Variants in TECR observed in about 807,000 individuals in gnomAD.
The protein encoded by TECR is very-long-chain enoyl-CoA reductase.
A neutral mutation model predicts 50.6 loss-of-function variants in TECR; 19 were observed. The observed-to-expected ratio is 0.38, with a 90% confidence interval of 0.26 to 0.55. TECR has a LOEUF of 0.55. Ranked by LOEUF, TECR falls within the 20% of genes least tolerant of loss-of-function variation. The pLI, the probability that TECR is intolerant of heterozygous loss-of-function variation, is 0.79. For synonymous variants in TECR, 168 were observed against 163.5 expected (o/e 1.03, Z -0.21); for missense variants, 313 against 408.3 (o/e 0.77, Z 2.01).
chr19:14,560,298 T>C (rs1799055647), intron 1 of TECR, among the ~76,000 whole-genome samples: 1 of 152,142 alleles, frequency 6.6e-6, no homozygotes. Flanking sequence ...TTTAAGCTGT[T>C]GAGTGGTTCA....
At chr19:14,538,667 G>A (rs1472238564) in intron 1 of TECR, among the ~76,000 whole-genome samples, 3 of 151,624 alleles carry the variant, frequency 2.0e-5, no homozygotes, top group African/African-American at 7.3e-5. Flanking sequence ...CGAGTAGCTG[G>A]GATTACAGGC....
At chr19:14,562,659 G>GCTT in intron 2 of TECR, 84 bp downstream of exon 2, 2 of 1,503,266 alleles carry the variant, frequency 1.3e-6, no homozygotes, top group Non-Finnish European at 1.9e-6. Context: ...TGTCCAGTGG[G>GCTT]GCCCTTTGTG....
chr19:14,560,304 G>A (rs1276440780), intron 1 of TECR, among the ~76,000 whole-genome samples: 1 of 152,210 alleles, frequency 6.6e-6, no homozygotes, highest in Non-Finnish European at 1.5e-5. Context: ...CTGTTGAGTG[G>A]TTCAGCAGGA....
intron 1 of TECR, among the ~76,000 whole-genome samples, chr19:14,538,721 C>G (rs141867014): frequency 6.6e-6 from 1 of 150,698 alleles, no homozygotes; most frequent in Non-Finnish European, 1.5e-5. Flanking sequence ...TTAGTAGAGA[C>G]GGGGTTTCAG....
upstream of TECR, among the ~76,000 whole-genome samples, chr19:14,528,649 G>GTGGA (rs569808529): frequency 7.4e-4 from 112 of 152,188 alleles, no homozygotes; most frequent in African/African-American, 2.6e-3. Context: ...GGAGCAAAGT[G>GTGGA]TGGAGGGGGG....
chr19:14,562,640 C>A, intron 2 of TECR, 65 bp downstream of exon 2: 1 of 1,584,004 alleles, frequency 6.3e-7, no homozygotes, highest in Non-Finnish European at 8.7e-7. Flanking sequence ...ATCCTTATAG[C>A]CCAGGAGCTG....
chr19:14,562,521 CG>C lies in TECR; in HGVS notation c.16-3del. ...AACCTAAAAAGGCTGTTCTCTTCTT[CG>C]AGGTGGAGATTCTGGACGCAAAGAC... On this transcript the variant is annotated splice_polypyrimidine_tract_variant and splice_region_variant and intron_variant, in intron 1 of 12. Coordinates refer to ENST00000215567, the MANE Select transcript of TECR (RefSeq NM_138501.6). The C allele has an allele frequency of 6.2e-7, 1 of 1,614,226 alleles. No homozygotes were observed. The highest frequency in any genetic ancestry group is 2.2e-5 in the East Asian group (1 of 44,888).
At chr19:14,536,322 T>C (rs1370408769) in intron 1 of TECR, among the ~76,000 whole-genome samples, 2 of 149,046 alleles carry the variant, frequency 1.3e-5, no homozygotes, top group African/African-American at 2.5e-5. Context: ...CAGGCTGGAG[T>C]GCAGTGGTGC....
At chr19:14,547,148 C>T (rs192098096) in intron 1 of TECR, among the ~76,000 whole-genome samples, 11 of 152,018 alleles carry the variant, frequency 7.2e-5, no homozygotes, top group Non-Finnish European at 1.3e-4. Flanking sequence ...TATTCATAGC[C>T]TCTTATTTTT....
Position 14,563,894 on chromosome 19 carries a change from C to T in TECR, c.258C>T (p.Ser86=), listed in dbSNP as rs927325367. 22 of 1,613,952 alleles carry T rather than the reference C, an allele frequency of 1.4e-5. No individual in the cohort carries two copies. The highest frequency in any genetic ancestry group is 5.3e-5 in the African/African-American group (4 of 74,900). The change falls in exon 5 of 13, where the codon AGC becomes AGT. Residue 86 remains serine, a synonymous_variant. Transcript: ENST00000215567. This position sits in a 1 kb window ranked among gnomAD's most constrained non-coding sequence, Gnocchi z 5.3. ...LYFRDLGAQI[S]WVTVFLTEYA... ...TCCGGGACCTGGGGGCCCAGATCAG[C>T]TGGGTGACGGTGAGTCCTGACCCTA...
rs762718056 is a variant in TECR at position 14,565,184 on chromosome 19, T to C, written c.665-18T>C. On this transcript the variant is annotated intron_variant, in intron 10 of 12. Coordinates refer to ENST00000215567, the MANE Select transcript of TECR (RefSeq NM_138501.6). ...TGGGTGAGGGGGTCTGACTTTCTCCTTCTGTCCTGCCTGCCAGGGTCCAAG... is the reference window on the plus strand; with the variant it reads ...TGGGTGAGGGGGTCTGACTTTCTCCCTCTGTCCTGCCTGCCAGGGTCCAAG... 5.0e-6 allele frequency: 8 copies of C among 1,613,880 alleles called. No individual in the cohort carries two copies. Among genetic ancestry groups the C allele is most frequent in the Admixed American group, 1.7e-5 (1 of 60,026 alleles).
intron 1 of TECR, among the ~76,000 whole-genome samples, chr19:14,552,765 T>C (rs1226042255): frequency 1.3e-5 from 2 of 151,766 alleles, no homozygotes; most frequent in East Asian, 3.9e-4. Context: ...CTTGATCTCC[T>C]GACCTCGTGA....
intron 1 of TECR, chr19:14,534,077 C>G (rs2072771310): frequency 1.3e-5 from 2 of 151,960 alleles, no homozygotes; most frequent in Non-Finnish European, 2.9e-5. Flanking sequence ...GCTGAATACC[C>G]AGAAGCGAGC....
chr19:14,529,300 C>T, upstream of TECR: 1 of 388,846 alleles, frequency 2.6e-6, no homozygotes, highest in South Asian at 2.4e-5. Flanking sequence ...TCTGGCCTAA[C>T]CGTCGCTTAC....
At position 14,565,749 on chromosome 19, in the gene TECR, C is replaced by T. The variant is rs1202024046; in HGVS notation, c.805C>T (p.Leu269=). 1 of 1,612,220 alleles carries T rather than the reference C, an allele frequency of 6.2e-7. No individual in the cohort carries two copies. ...ACGCCCGTTCTTTCCTGCAGTGGCC[C>T]TGTTCTCCCTGGTGGGCTTCACCCA... is the stretch of plus-strand genomic sequence containing the variant. ...AIMTQCLPVA[L]FSLVGFTQMT... is the part of the protein sequence containing the mutation. Residue 269 remains leucine (L), a synonymous_variant, in exon 13 of 13, where the codon CTG becomes TTG. Coordinates refer to ENST00000215567, the MANE Select transcript of TECR (RefSeq NM_138501.6).
At chr19:14,557,784 C>G (rs1488413827) in intron 1 of TECR, among the ~76,000 whole-genome samples, 1 of 149,206 alleles carries the variant, frequency 6.7e-6, no homozygotes, top group African/African-American at 2.5e-5. Flanking sequence ...GAGATGGAGT[C>G]TTGCTCTGTC....
At chr19:14,535,756 CAAAA>C (rs1161257175) in intron 1 of TECR, among the ~76,000 whole-genome samples, 41 of 51,942 alleles carry the variant, frequency 7.9e-4, no homozygotes, top group African/African-American at 3.2e-3. Context: ...GACTCTGTCT[CAAAA>C]AAAAAAAAAA....
intron 1 of TECR, among the ~76,000 whole-genome samples, chr19:14,560,645 A>G (rs2073876362): frequency 6.6e-6 from 1 of 152,118 alleles, no homozygotes; most frequent in Non-Finnish European, 1.5e-5. Context: ...ACCTTCCCCT[A>G]GAGGCCACAA....
intron 1 of TECR, chr19:14,533,982 C>A (rs935503434): frequency 1.3e-5 from 2 of 152,130 alleles, no homozygotes; most frequent in African/African-American, 4.8e-5. Flanking sequence ...ACAGCTACTA[C>A]ATCTTGTAAT....
Sources: allele counts gnomAD v4.1 joint callset (sites outside exome capture counted in the v4.1 genomes callset), GRCh38; gene constraint gnomAD v4.1.1; non-coding constraint Gnocchi (gnomAD v3.1); transcripts MANE v1.5; gene names NCBI Gene and HGNC (gene_info 2026-07-23, HGNC 2026-07-21).